The following ATP9B variants were observed in gnomAD, a reference collection of about 807,000 sequenced individuals.
The protein encoded by ATP9B is ATPase phospholipid transporting 9B.
Under a neutral mutation model 146.1 loss-of-function variants are expected in ATP9B, and 110 were observed. The observed-to-expected ratio is 0.75, with a 90% CI of 0.65 to 0.88. The LOEUF (loss-of-function observed/expected upper bound fraction) is 0.88, where lower values mean the gene tolerates loss of function less well. Among genes scored for constraint, ATP9B ranks in the 40% least tolerant of loss-of-function variants. The pLI, the probability that ATP9B is intolerant of heterozygous loss-of-function variation, is 0.00. For missense variants in ATP9B, 1,499 were observed against 1,496.4 expected, an observed-to-expected ratio of 1.00 and a Z score of -0.03; for synonymous variants, 604 against 569.7, an observed-to-expected ratio of 1.06 and a Z score of -0.86.
intron 15 of ATP9B, among the ~76,000 whole-genome samples, chr18:79,326,861 CCTGTGCTGACTGTCCA>C (rs113736353): frequency 2.2e-3 from 330 of 152,296 alleles, no homozygotes; most frequent in African/African-American, 4.5e-3. Flanking sequence ...TGGTGGCCTC[CCTGTGCTGACTGTCCA>C]CTGTGCTGAC....
At chr18:79,375,873 G>A (rs1203507826) in intron 29 of ATP9B, 15 of 985,156 alleles carry the variant, frequency 1.5e-5, no homozygotes, top group East Asian at 1.1e-4. Context: ...TATCCCATCC[G>A]GCAACAGTCT....
chr18:79,117,362 A>G (rs970017516), intron 4 of ATP9B: 2 of 152,254 alleles, frequency 1.3e-5, no homozygotes, highest in Non-Finnish European at 2.9e-5. Context: ...GAAGAAGAAA[A>G]TATAAAGCAG....
intron 11 of ATP9B, among the ~76,000 whole-genome samples, chr18:79,220,999 G>A (rs1301722102): frequency 1.3e-5 from 2 of 152,198 alleles, no homozygotes; most frequent in Non-Finnish European, 2.9e-5. Flanking sequence ...AGACTAGGAA[G>A]TTCCTGGGAT....
chr18:79,334,226 A>G (rs1375817951), intron 17 of ATP9B, among the ~76,000 whole-genome samples: 1 of 152,028 alleles, frequency 6.6e-6, no homozygotes. Context: ...GGGTGGTGGC[A>G]GGCGCCTGTA....
At chr18:79,307,390 C>G in intron 15 of ATP9B, 156 bp downstream of exon 15, 1 of 1,110,458 alleles carries the variant, frequency 9.0e-7, no homozygotes, top group Non-Finnish European at 1.3e-6. Flanking sequence ...CCAACCTATT[C>G]CAGCATGTAG....
chr18:79,265,859 C>T (rs8097293), intron 12 of ATP9B, among the ~76,000 whole-genome samples: 136,147 of 152,248 alleles, frequency 0.89, 61,011 homozygotes, highest in East Asian at 1. Flanking sequence ...TCCAGGATTT[C>T]TATAGTTTGA....
chr18:79,373,724 G>A (rs1352317604), intron 27 of ATP9B, among the ~76,000 whole-genome samples, 174 bp from the exon 28 acceptor site: 1 of 152,078 alleles, frequency 6.6e-6, no homozygotes. Context: ...CTCACGACCT[G>A]GTGATCCACC....
chr18:79,328,054 C>CCA (rs2096769449), intron 15 of ATP9B, among the ~76,000 whole-genome samples: 2 of 40,196 alleles, frequency 5.0e-5, no homozygotes, highest in Admixed American at 2.5e-4. Flanking sequence ...CGTGCTCTCT[C>CCA]TGGTTAGCGT....
intron 1 of ATP9B, among the ~76,000 whole-genome samples, chr18:79,074,180 C>CTGTTGGT (rs2072320330): frequency 6.6e-6 from 1 of 152,136 alleles, no homozygotes; most frequent in Non-Finnish European, 1.5e-5. Context: ...TTCCTGGTCT[C>CTGTTGGT]TGTTGGTGCT....
intron 12 of ATP9B, among the ~76,000 whole-genome samples, chr18:79,269,350 T>C (rs2096234404): frequency 6.6e-6 from 1 of 152,266 alleles, no homozygotes; most frequent in African/African-American, 2.4e-5. Flanking sequence ...CAAGTACTCA[T>C]TCTTTGACTG....
At chr18:79,129,829 C>T (rs116453577) in intron 5 of ATP9B, among the ~76,000 whole-genome samples, 332 of 152,134 alleles carry the variant, frequency 2.2e-3, no homozygotes, top group African/African-American at 7.7e-3. Context: ...CTGCAACCTC[C>T]GTCCCCCGGC....
At chr18:79,071,808 T>A (rs1418925928) in intron 1 of ATP9B, among the ~76,000 whole-genome samples, 2 of 152,106 alleles carry the variant, frequency 1.3e-5, no homozygotes, top group Non-Finnish European at 2.9e-5. Context: ...TGCTTTCAAG[T>A]TTTTACTTTG....
Position 79,342,375 on chromosome 18 carries a change from G to T in ATP9B, c.2382+9G>T, listed in dbSNP as rs112479512. On this transcript the variant is annotated intron_variant, in intron 20 of 29. Transcript: ENST00000426216. ...TTCATATTTTCAGACAGGTAAGTAT[G>T]TATCTTAATCACTTTGAATTTTTAA... 1.3e-5 allele frequency: 21 copies of T among 1,588,470 alleles called. No individual in the cohort carries two copies. The highest frequency in any genetic ancestry group is 5.0e-5 in the Admixed American group (3 of 59,518).
chr18:79,312,268 G>A (rs2096657062), intron 15 of ATP9B, among the ~76,000 whole-genome samples: 1 of 152,142 alleles, frequency 6.6e-6, no homozygotes. Flanking sequence ...TGGCATAAAC[G>A]GATCATTTAC....
At chr18:79,245,861 CCTA>C (rs2095949285) in intron 11 of ATP9B, among the ~76,000 whole-genome samples, 2 of 142,950 alleles carry the variant, frequency 1.4e-5, no homozygotes, top group African/African-American at 2.6e-5. Flanking sequence ...AGGGCACCGC[CCTA>C]CTGTCTGTGC....
intron 12 of ATP9B, among the ~76,000 whole-genome samples, chr18:79,258,503 G>T (rs1444639769): frequency 6.6e-6 from 1 of 152,160 alleles, no homozygotes; most frequent in Non-Finnish European, 1.5e-5. Context: ...CTTAAATTCT[G>T]TCAAACCTTT....
At chr18:79,169,462 C>T (rs111798321) in intron 7 of ATP9B, among the ~76,000 whole-genome samples, 1,585 of 152,256 alleles carry the variant, frequency 0.01, 15 homozygotes, top group Non-Finnish European at 0.016. Flanking sequence ...AAGAGCCTGG[C>T]TGGACTGTGT....
intron 12 of ATP9B, among the ~76,000 whole-genome samples, chr18:79,271,801 G>T (rs911205310): frequency 1.3e-5 from 2 of 152,094 alleles, no homozygotes. Context: ...CTAGATCCCT[G>T]AGGAATCACC....
intron 8 of ATP9B, among the ~76,000 whole-genome samples, chr18:79,179,217 C>T (rs2095220138): frequency 6.6e-6 from 1 of 152,026 alleles, no homozygotes; most frequent in African/African-American, 2.4e-5. Flanking sequence ...TCTCTTTTAT[C>T]GATCATTTCA....
Sources: gnomAD v4.1 joint callset for allele counts (sites outside exome capture counted in the v4.1 genomes callset) on GRCh38, gnomAD v4.1.1 for gene constraint, MANE v1.5 for transcripts, NCBI Gene and HGNC (gene_info 2026-07-23, HGNC 2026-07-21) for gene names.